Variants in ARHGAP24 observed in about 807,000 individuals in gnomAD.
ARHGAP24 encodes the protein rho GTPase-activating protein 24.
ARHGAP24 carries 50 observed loss-of-function variants against 76.4 expected under a neutral mutation model. That is an observed-to-expected ratio of 0.65 (90% CI 0.52 to 0.83). ARHGAP24 has a LOEUF of 0.83. Among genes scored for constraint, ARHGAP24 ranks in the 40% least tolerant of loss-of-function variants. ARHGAP24 has a pLI of 0.00. For synonymous variants in ARHGAP24, 345 were observed against 323.3 expected (o/e 1.07, Z -0.72); for missense variants, 930 against 914.2 (o/e 1.02, Z -0.22).
At chr4:85,738,804 C>T (rs1725702642) in intron 3 of ARHGAP24, among the ~76,000 whole-genome samples, 1 of 152,182 alleles carries the variant, frequency 6.6e-6, no homozygotes, top group Admixed American at 6.5e-5. Context: ...ACGTGTTGAA[C>T]ACAGTATTTT....
chr4:85,548,397 T>C (rs1262618336), intron 1 of ARHGAP24, among the ~76,000 whole-genome samples: 3 of 152,228 alleles, frequency 2.0e-5, no homozygotes, highest in South Asian at 4.1e-4. Flanking sequence ...TTTTTATTTC[T>C]ATATCTATGT....
At chr4:85,964,106 G>T (rs1354187843) in intron 5 of ARHGAP24, among the ~76,000 whole-genome samples, 1 of 151,946 alleles carries the variant, frequency 6.6e-6, no homozygotes, top group African/African-American at 2.4e-5. Context: ...TTCATAAGCT[G>T]TTATGTCAGA....
intron 2 of ARHGAP24, among the ~76,000 whole-genome samples, chr4:85,626,974 C>T (rs1010186203): frequency 2.0e-5 from 3 of 152,092 alleles, no homozygotes; most frequent in South Asian, 2.1e-4. Context: ...GTTATCCATT[C>T]GTCTAATTTT....
intron 2 of ARHGAP24, among the ~76,000 whole-genome samples, chr4:85,683,641 G>A (rs990227904): frequency 2.0e-5 from 3 of 147,644 alleles, no homozygotes; most frequent in African/African-American, 4.9e-5. Context: ...CATAACATGA[G>A]ATCTACCCTC....
chr4:85,941,470 C>T (rs892050834), intron 4 of ARHGAP24, among the ~76,000 whole-genome samples: 2 of 152,176 alleles, frequency 1.3e-5, no homozygotes, highest in East Asian at 1.9e-4. Context: ...TGTAAATTTC[C>T]ATTTTTCACT....
chr4:85,564,270 A>C (rs539919302), intron 1 of ARHGAP24, among the ~76,000 whole-genome samples: 1 of 152,192 alleles, frequency 6.6e-6, no homozygotes, highest in African/African-American at 2.4e-5. Flanking sequence ...ACATGAACTC[A>C]TCATTTTTTA....
In ARHGAP24 at chr4:85,719,039, A is replaced by G. The variant is rs190864137; in HGVS notation, c.181-2846A>G. Among the ~76,000 whole-genome samples, 507 of 152,320 alleles carry G rather than the reference A, an allele frequency of 3.3e-3. 2 individuals carry two copies. Among genetic ancestry groups the G allele is most frequent in the African/African-American group, 0.012 (480 of 41,580 alleles). ...ACAAATACACATGTGGATAAAATGA[A>G]TATTAGATGCTATGTTCTAAAACTG... On this transcript the variant is annotated intron_variant, in intron 2 of 9. Coordinates refer to ENST00000395184, the MANE Select transcript of ARHGAP24 (RefSeq NM_001025616.3).
chr4:85,839,246 C>G (rs10024305), intron 3 of ARHGAP24, among the ~76,000 whole-genome samples: 1,689 of 152,226 alleles, frequency 0.011, 31 homozygotes, highest in African/African-American at 0.038. Flanking sequence ...AGCCCTTGCT[C>G]CAAAGTACGT....
At chr4:85,650,093 C>T (rs1450753437) in intron 2 of ARHGAP24, among the ~76,000 whole-genome samples, 10 of 152,098 alleles carry the variant, frequency 6.6e-5, no homozygotes, top group South Asian at 2.1e-4. Flanking sequence ...TTCCAATATA[C>T]GGTGTAAATT....
At chr4:85,485,118 G>T (rs1722969527) in intron 1 of ARHGAP24, among the ~76,000 whole-genome samples, 1 of 151,220 alleles carries the variant, frequency 6.6e-6, no homozygotes, top group Non-Finnish European at 1.5e-5. Context: ...GGCCAAGGCG[G>T]GTGGATCACG....
intron 4 of ARHGAP24, chr4:85,930,633 A>G (rs768415163): frequency 2.7e-5 from 30 of 1,096,126 alleles, no homozygotes; most frequent in Non-Finnish European, 3.3e-5. Context: ...TGCTTGCTGC[A>G]GTTCTTTTCC....
intron 3 of ARHGAP24, among the ~76,000 whole-genome samples, chr4:85,757,656 G>A (rs993163843): frequency 1.3e-5 from 2 of 152,070 alleles, no homozygotes; most frequent in African/African-American, 4.8e-5. Flanking sequence ...TTGCTATTGC[G>A]AATAGTGCCG....
At chr4:85,502,843 A>G (rs1458472582) in intron 1 of ARHGAP24, among the ~76,000 whole-genome samples, 2 of 152,132 alleles carry the variant, frequency 1.3e-5, no homozygotes, top group Admixed American at 6.6e-5. Context: ...TCAGAGTGAT[A>G]TTGGCTTTGT....
At chr4:85,769,639 TTTC>T (rs1727057028) in intron 3 of ARHGAP24, among the ~76,000 whole-genome samples, 1 of 152,038 alleles carries the variant, frequency 6.6e-6, no homozygotes, top group African/African-American at 2.4e-5. Context: ...CTTCCTTTCT[TTTC>T]TTTTTTCTTT....
At chr4:85,982,266 C>A (rs548784521) in intron 8 of ARHGAP24, among the ~76,000 whole-genome samples, 42 of 151,696 alleles carry the variant, frequency 2.8e-4, no homozygotes, top group African/African-American at 9.0e-4. Context: ...GCATAGTGTC[C>A]CCCTGCCTCT....
At chr4:85,632,242 A>G (rs985966336) in intron 2 of ARHGAP24, among the ~76,000 whole-genome samples, 5 of 151,996 alleles carry the variant, frequency 3.3e-5, no homozygotes, top group Non-Finnish European at 5.9e-5. Flanking sequence ...ACCATATAAA[A>G]ACTTGGCTTA....
At chr4:85,583,895 C>T (rs1727725657) in intron 2 of ARHGAP24, among the ~76,000 whole-genome samples, 1 of 107,802 alleles carries the variant, frequency 9.3e-6, no homozygotes, top group Admixed American at 1.2e-4. Flanking sequence ...CAATGAGATA[C>T]CATCTCACAC....
intron 1 of ARHGAP24, among the ~76,000 whole-genome samples, chr4:85,478,700 T>G (rs1284502452): frequency 6.6e-6 from 1 of 152,198 alleles, no homozygotes; most frequent in Non-Finnish European, 1.5e-5. Flanking sequence ...GTACAAGGTC[T>G]CCTCACTGTT....
At chr4:85,997,203 C>A (rs536300812) in intron 9 of ARHGAP24, among the ~76,000 whole-genome samples, 3 of 152,114 alleles carry the variant, frequency 2.0e-5, no homozygotes, top group African/African-American at 7.2e-5. Flanking sequence ...TAGAGTTATT[C>A]ATTTTTCTTT....
Sources: gnomAD v4.1 joint callset for allele counts (sites outside exome capture counted in the v4.1 genomes callset) on GRCh38, gnomAD v4.1.1 for gene constraint, MANE v1.5 for transcripts, NCBI Gene and HGNC (gene_info 2026-07-23, HGNC 2026-07-21) for gene names.